CAMK1D: variants seen among roughly 807,000 people sequenced by gnomAD.
The protein encoded by CAMK1D is calcium/calmodulin-dependent protein kinase type 1D.
Under a neutral mutation model 47.7 loss-of-function variants are expected in CAMK1D, and 9 were observed. That is an observed-to-expected ratio of 0.19 (90% CI 0.11 to 0.33). The LOEUF is 0.33. Ranked by LOEUF, CAMK1D falls within the 10% of genes least tolerant of loss-of-function variation. CAMK1D has a pLI of 1.00. For missense variants in CAMK1D, 291 were observed against 488.7 expected (o/e 0.60, Z 3.81); for synonymous variants, 184 against 184.9 (o/e 0.99, Z 0.04).
rs117596596 is a variant in CAMK1D at position 12,604,181 on chromosome 10, A to T, written c.224+50825A>T. On this transcript the variant is annotated intron_variant, in intron 2 of 10. Transcript: ENST00000619168. ...GGAGGCCTGGGACCCGTTCTTATGT[A>T]TCTCTGTAATTCTTAGCACCCAACC... 1.9e-3 allele frequency among the ~76,000 whole-genome samples: 283 copies of T among 152,258 alleles called. 11 individuals carry two copies. The East Asian group carries it at 0.051, about 27-fold the overall frequency.
intron 3 of CAMK1D, among the ~76,000 whole-genome samples, chr10:12,752,634 C>A (rs1377356997): frequency 6.6e-6 from 1 of 152,200 alleles, no homozygotes; most frequent in African/African-American, 2.4e-5. Flanking sequence ...CCCATTAAAA[C>A]TGAACAAAGG....
chr10:12,378,583 C>T (rs1838252139), intron 1 of CAMK1D, among the ~76,000 whole-genome samples: 2 of 150,396 alleles, frequency 1.3e-5, no homozygotes, highest in South Asian at 4.2e-4. Context: ...ATTTTCATTT[C>T]ACACTGGGTC....
chr10:12,514,380 A>G (rs1229416781), intron 1 of CAMK1D, among the ~76,000 whole-genome samples: 1 of 152,216 alleles, frequency 6.6e-6, no homozygotes, highest in East Asian at 1.9e-4. Flanking sequence ...AAAAATTTCT[A>G]AGGTAGCACA....
intron 2 of CAMK1D, among the ~76,000 whole-genome samples, chr10:12,570,392 T>C (rs979397758): frequency 2.6e-5 from 4 of 151,778 alleles, no homozygotes; most frequent in Non-Finnish European, 5.9e-5. Context: ...TTCAGATCTA[T>C]GAGGGGCTGG....
intron 1 of CAMK1D, among the ~76,000 whole-genome samples, chr10:12,481,489 G>T (rs1473284200): frequency 6.6e-6 from 1 of 152,024 alleles, no homozygotes. Flanking sequence ...ATGTTGTGTG[G>T]CTGGCCTTGT....
intron 1 of CAMK1D, among the ~76,000 whole-genome samples, chr10:12,525,862 A>G (rs754655064): frequency 3.9e-5 from 6 of 152,080 alleles, no homozygotes; most frequent in African/African-American, 7.2e-5. Flanking sequence ...GGTTCAGGCA[A>G]TTCTCTTGCC....
chr10:12,363,364 C>G (rs561112474), intron 1 of CAMK1D, among the ~76,000 whole-genome samples: 12 of 152,130 alleles, frequency 7.9e-5, no homozygotes, highest in Admixed American at 7.2e-4. Context: ...CAGCAATTCT[C>G]CTGCCTCAAC....
intron 5 of CAMK1D, among the ~76,000 whole-genome samples, chr10:12,784,197 T>A (rs1837618250): frequency 2.2e-5 from 2 of 91,116 alleles, no homozygotes; most frequent in Non-Finnish European, 4.6e-5. Context: ...GGAGAAAAGG[T>A]ATTTTTTTTT....
At chr10:12,581,160 TACTTC>T (rs1335968245) in intron 2 of CAMK1D, among the ~76,000 whole-genome samples, 1 of 152,226 alleles carries the variant, frequency 6.6e-6, no homozygotes, top group Admixed American at 6.5e-5. Context: ...ATTCCTGAGT[TACTTC>T]ACTTAGTATT....
intron 3 of CAMK1D, among the ~76,000 whole-genome samples, chr10:12,710,090 T>C (rs1410641102): frequency 3.3e-5 from 5 of 152,182 alleles, no homozygotes; most frequent in Non-Finnish European, 5.9e-5. Context: ...CCTCAGAGAT[T>C]GTCATGAGGA....
intron 3 of CAMK1D, among the ~76,000 whole-genome samples, chr10:12,746,469 T>A (rs768729351): frequency 3.9e-5 from 6 of 152,140 alleles, no homozygotes; most frequent in Non-Finnish European, 7.4e-5. Flanking sequence ...GTTAGGCTTA[T>A]TGTTTAGAAA....
intron 2 of CAMK1D, among the ~76,000 whole-genome samples, chr10:12,561,498 G>A (rs1457591694): frequency 6.6e-6 from 1 of 151,806 alleles, no homozygotes; most frequent in East Asian, 1.9e-4. Flanking sequence ...GCCTTATTTA[G>A]TGTCCTTCCT....
At chr10:12,701,305 T>C (rs1833509777) in intron 3 of CAMK1D, among the ~76,000 whole-genome samples, 1 of 152,146 alleles carries the variant, frequency 6.6e-6, no homozygotes, top group Non-Finnish European at 1.5e-5. Flanking sequence ...GGCTTATTTG[T>C]GGAATTTATA....
At chr10:12,522,195 T>C (rs1426975557) in intron 1 of CAMK1D, among the ~76,000 whole-genome samples, 3 of 96,910 alleles carry the variant, frequency 3.1e-5, no homozygotes, top group African/African-American at 1.1e-4. Context: ...TATTTCCTTT[T>C]TTTTTCTTTT....
At chr10:12,450,714 G>A (rs555160256) in intron 1 of CAMK1D, among the ~76,000 whole-genome samples, 43 of 152,292 alleles carry the variant, frequency 2.8e-4, no homozygotes, top group African/African-American at 8.9e-4. Context: ...ATGCCATTTC[G>A]AGTTACAGTG....
intron 1 of CAMK1D, among the ~76,000 whole-genome samples, chr10:12,524,472 C>A (rs1835552527): frequency 6.6e-6 from 1 of 151,958 alleles, no homozygotes; most frequent in Non-Finnish European, 1.5e-5. Context: ...CTTTGGGAGG[C>A]TGAGGCGGGC....
At chr10:12,769,243 G>A (rs891471963) in intron 4 of CAMK1D, among the ~76,000 whole-genome samples, 6 of 152,188 alleles carry the variant, frequency 3.9e-5, no homozygotes, top group Non-Finnish European at 7.3e-5. Context: ...GCAGCAGGGC[G>A]TGTTGCTGAG....
intron 3 of CAMK1D, among the ~76,000 whole-genome samples, chr10:12,716,737 A>G (rs1554815886): frequency 4.6e-5 from 7 of 151,922 alleles, no homozygotes; most frequent in Non-Finnish European, 1.0e-4. Flanking sequence ...CACTGGCTGA[A>G]TTTTTTTTAA....
At chr10:12,742,506 C>A (rs1362005261) in intron 3 of CAMK1D, among the ~76,000 whole-genome samples, 1 of 152,170 alleles carries the variant, frequency 6.6e-6, no homozygotes, top group African/African-American at 2.4e-5. Context: ...GTAAATTGGC[C>A]GAGTTGTGCA....
Sources: allele counts gnomAD v4.1 joint callset (sites outside exome capture counted in the v4.1 genomes callset), GRCh38; gene constraint gnomAD v4.1.1; transcripts MANE v1.5; gene names NCBI Gene and HGNC (gene_info 2026-07-23, HGNC 2026-07-21).